PRDM16: variants seen among roughly 807,000 people sequenced by gnomAD.
PRDM16 encodes the protein histone-lysine N-methyltransferase PRDM16.
In PRDM16, 23 loss-of-function variants were observed where a neutral mutation model predicts 110.6. The ratio of observed to expected loss-of-function variants is 0.21; its 90% confidence interval spans 0.15 to 0.29. The LOEUF is 0.29. Among genes scored for constraint, PRDM16 ranks in the 10% least tolerant of loss-of-function variants. The pLI is 1.00. For missense variants in PRDM16, 1,615 were observed against 1,794.3 expected, an observed-to-expected ratio of 0.90 and a Z score of 1.81; for synonymous variants, 799 against 781.8, an observed-to-expected ratio of 1.02 and a Z score of -0.37.
chr1:3,276,399 C>G (rs1414128470), intron 3 of PRDM16, among the ~76,000 whole-genome samples: 1 of 152,226 alleles, frequency 6.6e-6, no homozygotes, highest in Non-Finnish European at 1.5e-5. Context: ...CCCTGAACCT[C>G]TGGGAGCTCA....
chr1:3,093,405 G>A (rs7543737), intron 1 of PRDM16, among the ~76,000 whole-genome samples: 57,669 of 152,070 alleles, frequency 0.38, 11,881 homozygotes, highest in African/African-American at 0.54. Context: ...GCTGGGACTC[G>A]GTCAGAAACC....
chr1:3,241,679 C>T (rs990091502), intron 2 of PRDM16, among the ~76,000 whole-genome samples: 11 of 152,276 alleles, frequency 7.2e-5, no homozygotes, highest in African/African-American at 2.7e-4. Context: ...GCAAGAAGGG[C>T]CTCCGCATGG....
At chr1:3,160,962 C>T (rs1643892324) in intron 1 of PRDM16, among the ~76,000 whole-genome samples, 1 of 152,202 alleles carries the variant, frequency 6.6e-6, no homozygotes. Flanking sequence ...TTCCCCTACT[C>T]CCTTGACAAT....
intron 3 of PRDM16, among the ~76,000 whole-genome samples, chr1:3,378,665 G>C (rs1643039240): frequency 6.6e-6 from 1 of 152,108 alleles, no homozygotes; most frequent in Non-Finnish European, 1.5e-5. Context: ...TGAGTGCACA[G>C]AGACCCTGGG....
chr1:3,160,090 G>C (rs1294461961), intron 1 of PRDM16, among the ~76,000 whole-genome samples: 2 of 152,246 alleles, frequency 1.3e-5, no homozygotes. Flanking sequence ...GAGTTCATGG[G>C]GGGCACCAGC....
At chr1:3,126,211 A>G (rs2100672740) in intron 1 of PRDM16, among the ~76,000 whole-genome samples, 1 of 152,302 alleles carries the variant, frequency 6.6e-6, no homozygotes. Context: ...CTGGGCTTGC[A>G]GAGGCACAGT....
intron 3 of PRDM16, among the ~76,000 whole-genome samples, chr1:3,333,982 A>C (rs1279356993): frequency 6.6e-6 from 1 of 152,172 alleles, no homozygotes; most frequent in Non-Finnish European, 1.5e-5. Context: ...ACCACGAGCC[A>C]ATGAAACCTC....
chr1:3,235,303 G>T (rs1569896296), intron 2 of PRDM16, among the ~76,000 whole-genome samples: 1 of 152,236 alleles, frequency 6.6e-6, no homozygotes, highest in East Asian at 1.9e-4. Context: ...CTGGCTACGG[G>T]AGGCTCTTGG....
chr1:3,230,475 A>G lies in PRDM16; in HGVS notation c.388-13612A>G, dbSNP rs914184148. 3.9e-5 allele frequency among the ~76,000 whole-genome samples: 6 copies of G among 152,274 alleles called. No homozygotes were observed. In the East Asian group the frequency reaches 7.7e-4, roughly 20 times the overall value. ...CCATCCCAGAGGAGGTTGAATATCC[A>G]GGGAAGTTGTGTGGATGGAAATTGA... is the stretch of plus-strand genomic sequence containing the variant. On this transcript the variant is annotated intron_variant, in intron 2 of 16. Coordinates refer to ENST00000270722, the MANE Select transcript of PRDM16 (RefSeq NM_022114.4).
chr1:3,351,754 C>A (rs113972034), intron 3 of PRDM16, among the ~76,000 whole-genome samples: 5 of 126,912 alleles, frequency 3.9e-5, no homozygotes, highest in Admixed American at 1.6e-4. Context: ...CTCTCCCCCC[C>A]CTCTGTTTCT....
chr1:3,174,546 C>T (rs1359510086), intron 1 of PRDM16, among the ~76,000 whole-genome samples: 1 of 152,148 alleles, frequency 6.6e-6, no homozygotes, highest in East Asian at 1.9e-4. Flanking sequence ...CTGCTTCCTT[C>T]ATCTCTAAAG....
At position 3,358,599 on chromosome 1, in the gene PRDM16, C is replaced by T. The variant is rs914939301; in HGVS notation, c.439-26553C>T. Among the ~76,000 whole-genome samples, 2 of 152,200 alleles carry T rather than the reference C, an allele frequency of 1.3e-5. No individual in the cohort carries two copies. The highest frequency in any genetic ancestry group is 4.8e-5 in the African/African-American group (2 of 41,464). ...AGAGGAGCTCTCGGACCCCTCCCTCCTGCCCTCAGCCCTCTCCGAAGAGCT... is the reference window on the plus strand; with the variant it reads ...AGAGGAGCTCTCGGACCCCTCCCTCTTGCCCTCAGCCCTCTCCGAAGAGCT... On this transcript the variant is annotated intron_variant, in intron 3 of 16. Transcript: ENST00000270722. The surrounding 1 kb of genome is among the most constrained non-coding windows in gnomAD (Gnocchi z 4.0).
chr1:3,258,588 C>G (rs919931520), intron 3 of PRDM16, among the ~76,000 whole-genome samples: 1 of 152,232 alleles, frequency 6.6e-6, no homozygotes, highest in Non-Finnish European at 1.5e-5. Context: ...TATGTTGGAA[C>G]CTCGCCTCTG....
At chr1:3,107,302 G>C (rs747128077) in intron 1 of PRDM16, among the ~76,000 whole-genome samples, 1 of 152,220 alleles carries the variant, frequency 6.6e-6, no homozygotes, top group African/African-American at 2.4e-5. Context: ...CTAGGCTTTC[G>C]GGCTTGGGCA....
chr1:3,295,905 C>G (rs909068683), intron 3 of PRDM16, among the ~76,000 whole-genome samples: 2 of 152,108 alleles, frequency 1.3e-5, no homozygotes, highest in African/African-American at 4.8e-5. Context: ...GGGCGTGACA[C>G]CTCTGCCCCC....
At chr1:3,330,648 G>T (rs1642023370) in intron 3 of PRDM16, among the ~76,000 whole-genome samples, 1 of 152,208 alleles carries the variant, frequency 6.6e-6, no homozygotes, top group South Asian at 2.1e-4. Context: ...GGCAATATCT[G>T]CCCCACAGCC....
chr1:3,432,947 A>G (rs1638806352), intron 16 of PRDM16, among the ~76,000 whole-genome samples: 1 of 152,124 alleles, frequency 6.6e-6, no homozygotes, highest in Non-Finnish European at 1.5e-5. Flanking sequence ...TAAGAATCCC[A>G]TTGGCCCAGA....
intron 3 of PRDM16, among the ~76,000 whole-genome samples, chr1:3,294,975 C>G (rs1641054096): frequency 6.6e-6 from 1 of 152,232 alleles, no homozygotes; most frequent in Non-Finnish European, 1.5e-5. Context: ...CTTCCCCCGC[C>G]TGGTCACTGC....
intron 3 of PRDM16, among the ~76,000 whole-genome samples, chr1:3,319,562 G>A (rs939238570): frequency 5.9e-5 from 9 of 152,312 alleles, no homozygotes; most frequent in African/African-American, 1.4e-4. Context: ...GGCTGAGGCT[G>A]TGGATCAATA....
Sources: allele counts gnomAD v4.1 joint callset (sites outside exome capture counted in the v4.1 genomes callset), GRCh38; gene constraint gnomAD v4.1.1; non-coding constraint Gnocchi (gnomAD v3.1); transcripts MANE v1.5; gene names NCBI Gene and HGNC (gene_info 2026-07-23, HGNC 2026-07-21).